Variants in IL1RAPL2 observed in about 807,000 individuals in gnomAD.
IL1RAPL2 encodes X-linked interleukin-1 receptor accessory protein-like 2.
IL1RAPL2 carries 3 observed loss-of-function variants against 44.1 expected under a neutral mutation model. The observed-to-expected ratio is 0.07, with a 90% CI of 0.03 to 0.18. IL1RAPL2 has a LOEUF of 0.18. Ranked by LOEUF, IL1RAPL2 falls within the 10% of genes least tolerant of loss-of-function variation. The pLI is 1.00. For synonymous variants in IL1RAPL2, 181 were observed against 178.8 expected, an observed-to-expected ratio of 1.01 and a Z score of -0.10; for missense variants, 391 against 496.4, an observed-to-expected ratio of 0.79 and a Z score of 2.02.
At chrX:104,739,850 T>C (rs953176723) in intron 2 of IL1RAPL2, among the ~76,000 whole-genome samples, 1 of 111,697 alleles carries the variant, frequency 9.0e-6, no homozygotes, top group African/African-American at 3.3e-5. Flanking sequence ...ATTTATTGGA[T>C]TTTCTCAGAT....
At chrX:105,601,955 A>G (rs2037255206) in intron 6 of IL1RAPL2, among the ~76,000 whole-genome samples, 1 of 110,799 alleles carries the variant, frequency 9.0e-6, no homozygotes, top group Non-Finnish European at 1.9e-5. Context: ...GGCTGCCCAC[A>G]GTACCAAGGG....
At chrX:105,354,154 A>C (rs1338057910) in intron 5 of IL1RAPL2, among the ~76,000 whole-genome samples, 1 of 111,342 alleles carries the variant, frequency 9.0e-6, no homozygotes, top group African/African-American at 3.3e-5. Flanking sequence ...ATTACTGGGT[A>C]TATACCCAAA....
rs1047709351 is a variant in IL1RAPL2, at chrX:105,604,425, T to C, written c.773-112942T>C. 5.4e-5 allele frequency among the ~76,000 whole-genome samples: 6 copies of C among 110,172 alleles called. No homozygotes were observed. In the East Asian group the frequency reaches 1.7e-3, roughly 31 times the overall value. On this transcript the variant is annotated intron_variant, in intron 6 of 10. Coordinates refer to ENST00000372582, the MANE Select transcript of IL1RAPL2 (RefSeq NM_017416.2). ...GGACATGGATTAATTCCTGGACACATACAACATACTAAGATTGAACCAGGA... is the reference window on the plus strand; with the variant it reads ...GGACATGGATTAATTCCTGGACACACACAACATACTAAGATTGAACCAGGA...
intron 2 of IL1RAPL2, among the ~76,000 whole-genome samples, chrX:104,738,163 C>T (rs998117089): frequency 4.5e-5 from 5 of 112,343 alleles, no homozygotes; most frequent in African/African-American, 1.6e-4. Context: ...TCACACACCA[C>T]ATTTGTTTCA....
At chrX:105,332,190 C>T (rs192798959) in intron 5 of IL1RAPL2, among the ~76,000 whole-genome samples, 6 of 110,720 alleles carry the variant, frequency 5.4e-5, no homozygotes, top group African/African-American at 1.6e-4. Flanking sequence ...AAGTACCCTG[C>T]CACCCCAAAT....
At chrX:105,064,448 G>T (rs2032112576) in intron 2 of IL1RAPL2, among the ~76,000 whole-genome samples, 1 of 111,809 alleles carries the variant, frequency 8.9e-6, no homozygotes, top group Non-Finnish European at 1.9e-5. Context: ...CTTTTTTTGT[G>T]TGTGTTGATG....
chrX:105,392,733 G>A (rs1176310135), intron 5 of IL1RAPL2, among the ~76,000 whole-genome samples: 3 of 111,861 alleles, frequency 2.7e-5, no homozygotes, highest in Non-Finnish European at 5.6e-5. Context: ...TCAAATTCAG[G>A]TATGGAGATA....
intron 2 of IL1RAPL2, among the ~76,000 whole-genome samples, chrX:105,160,398 T>C (rs1344230485): frequency 9.0e-6 from 1 of 111,332 alleles, no homozygotes. Context: ...GATGAAATTT[T>C]GTAAATATGT....
chrX:105,488,725 G>T (rs1002444732), intron 6 of IL1RAPL2, among the ~76,000 whole-genome samples: 12 of 111,933 alleles, frequency 1.1e-4, no homozygotes, highest in African/African-American at 3.9e-4. Flanking sequence ...GTAGTTTTAG[G>T]AAACATGGTC....
At chrX:104,904,852 G>A (rs1399850236) in intron 2 of IL1RAPL2, among the ~76,000 whole-genome samples, 1 of 110,398 alleles carries the variant, frequency 9.1e-6, no homozygotes, top group Non-Finnish European at 1.9e-5. Context: ...GGTATTTCTA[G>A]TTCTAGATCC....
At chrX:104,934,733 G>A (rs767190246) in intron 2 of IL1RAPL2, among the ~76,000 whole-genome samples, 1 of 112,111 alleles carries the variant, frequency 8.9e-6, no homozygotes, top group South Asian at 3.7e-4. Context: ...TAAAATTAGT[G>A]AAAAGGGAGA....
At position 105,671,654 on chromosome X, in the gene IL1RAPL2, A is replaced by T. The variant is rs574960853; in HGVS notation, c.773-45713A>T. Among the ~76,000 whole-genome samples, 16 of 111,614 alleles carry T rather than the reference A, an allele frequency of 1.4e-4. No individual in the cohort carries two copies. The South Asian group carries it at 6.0e-3, about 42-fold the overall frequency. The stretch of plus-strand genomic sequence containing the variant: ...TCTTGGTATGGATTTCTTTGTGTTT[A>T]CCCTGTTAGAGGTACACCCAACTTT... On this transcript the variant is annotated intron_variant, in intron 6 of 10. Coordinates refer to ENST00000372582, the MANE Select transcript of IL1RAPL2 (RefSeq NM_017416.2).
intron 2 of IL1RAPL2, among the ~76,000 whole-genome samples, chrX:104,825,202 A>G (rs1391880717): frequency 9.0e-6 from 1 of 111,459 alleles, no homozygotes; most frequent in Admixed American, 9.6e-5. Context: ...CCTAGATGCT[A>G]AAGGGTTGTT....
At chrX:105,638,048 A>AT (rs916186844) in intron 6 of IL1RAPL2, among the ~76,000 whole-genome samples, 1 of 110,003 alleles carries the variant, frequency 9.1e-6, no homozygotes, top group African/African-American at 3.3e-5. Flanking sequence ...ATTTCCATTC[A>AT]TTTGCAGACT....
intron 2 of IL1RAPL2, among the ~76,000 whole-genome samples, chrX:105,067,911 A>G (rs1444163371): frequency 8.9e-6 from 1 of 112,039 alleles, no homozygotes; most frequent in Non-Finnish European, 1.9e-5. Flanking sequence ...GAGTGAAAGA[A>G]GACACCTTGG....
chrX:104,842,628 T>G (rs1458617151), intron 2 of IL1RAPL2, among the ~76,000 whole-genome samples: 1 of 112,487 alleles, frequency 8.9e-6, no homozygotes, highest in Non-Finnish European at 1.9e-5. Context: ...TTCTGTTTGT[T>G]TTTCTTCTAA....
At chrX:104,948,434 G>A (rs1431554188) in intron 2 of IL1RAPL2, among the ~76,000 whole-genome samples, 2 of 96,598 alleles carry the variant, frequency 2.1e-5, no homozygotes, top group Non-Finnish European at 4.2e-5. Flanking sequence ...AATTGCCCTG[G>A]CCAGAACTTC....
chrX:105,298,297 A>G (rs1219175932), intron 5 of IL1RAPL2, among the ~76,000 whole-genome samples: 3 of 111,995 alleles, frequency 2.7e-5, no homozygotes, highest in African/African-American at 9.7e-5. Context: ...TGATTAGACT[A>G]AAATGGTGAC....
At chrX:105,365,256 G>A (rs888988770) in intron 5 of IL1RAPL2, among the ~76,000 whole-genome samples, 14 of 111,524 alleles carry the variant, frequency 1.3e-4, no homozygotes, top group African/African-American at 3.9e-4. Flanking sequence ...GATCCTGCTT[G>A]ATCATGGTGA....
Sources: allele counts gnomAD v4.1 joint callset (sites outside exome capture counted in the v4.1 genomes callset), GRCh38; gene constraint gnomAD v4.1.1; transcripts MANE v1.5; gene names NCBI Gene and HGNC (gene_info 2026-07-23, HGNC 2026-07-21).